Variants in DACH1 observed in about 807,000 individuals in gnomAD.
DACH1 encodes the protein dachshund homolog 1.
Under a neutral mutation model 54.2 loss-of-function variants are expected in DACH1, and 12 were observed. The ratio of observed to expected loss-of-function variants is 0.22; its 90% confidence interval spans 0.14 to 0.36. The LOEUF is 0.36. Ranked by LOEUF, DACH1 falls within the 10% of genes least tolerant of loss-of-function variation. The probability of loss-of-function intolerance (pLI) is 1.00; values close to 1 mark genes in which losing one functional copy is unlikely to be tolerated. For missense variants in DACH1, 805 were observed against 929.8 expected (o/e 0.87, Z 1.75); for synonymous variants, 386 against 366.2 (o/e 1.05, Z -0.62).
intron 6 of DACH1, among the ~76,000 whole-genome samples, chr13:71,491,719 A>C (rs187328453): frequency 3.3e-4 from 51 of 152,292 alleles, no homozygotes; most frequent in Non-Finnish European, 4.3e-4. Context: ...TCATGACCCT[A>C]TTATCAGACA....
chr13:71,851,293 T>G (rs1873642850), intron 1 of DACH1, among the ~76,000 whole-genome samples: 1 of 152,218 alleles, frequency 6.6e-6, no homozygotes, highest in East Asian at 1.9e-4. Flanking sequence ...TAATTACCTA[T>G]TTACTGCTAC....
At chr13:71,776,805 T>TGGGAGGCCAAGGCAAGAGA (rs1483817331) in intron 1 of DACH1, among the ~76,000 whole-genome samples, 2 of 152,178 alleles carry the variant, frequency 1.3e-5, no homozygotes, top group Non-Finnish European at 2.9e-5. Flanking sequence ...CTGTTGCTTT[T>TGGGAGGCCAAGGCAAGAGA]ACTTTGTCAC....
At chr13:71,460,253 A>G (rs1481392810) in intron 10 of DACH1, among the ~76,000 whole-genome samples, 1 of 152,116 alleles carries the variant, frequency 6.6e-6, no homozygotes, top group East Asian at 1.9e-4. Context: ...GTATATAAAC[A>G]TTCTAGAAAA....
At chr13:71,798,278 G>A (rs1244797033) in intron 1 of DACH1, among the ~76,000 whole-genome samples, 1 of 135,774 alleles carries the variant, frequency 7.4e-6, no homozygotes, top group Admixed American at 7.8e-5. Flanking sequence ...CCGGCATCAA[G>A]CAAATGAACT....
At chr13:71,648,124 T>G (rs192302443) in intron 2 of DACH1, among the ~76,000 whole-genome samples, 1 of 152,212 alleles carries the variant, frequency 6.6e-6, no homozygotes, top group Non-Finnish European at 1.5e-5. Context: ...TAAGATGATA[T>G]GTCTACAGAA....
chr13:71,767,558 CATA>C (rs1187329981), intron 1 of DACH1, among the ~76,000 whole-genome samples: 1 of 151,546 alleles, frequency 6.6e-6, no homozygotes, highest in African/African-American at 2.4e-5. Flanking sequence ...AGTTGTAAAC[CATA>C]ATGTTATAGT....
intron 2 of DACH1, among the ~76,000 whole-genome samples, chr13:71,656,524 C>G (rs1272492685): frequency 6.6e-6 from 1 of 151,852 alleles, no homozygotes; most frequent in African/African-American, 2.4e-5. Context: ...TTTATCTTAC[C>G]CAAAATTGGA....
chr13:71,716,794 TGAA>T, intron 1 of DACH1, among the ~76,000 whole-genome samples: 2 of 152,182 alleles, frequency 1.3e-5, no homozygotes, highest in Non-Finnish European at 2.9e-5. Flanking sequence ...ATGAATCAGC[TGAA>T]GAAGAAACAA....
At chr13:71,758,779 G>A (rs955561850) in intron 1 of DACH1, among the ~76,000 whole-genome samples, 3 of 152,098 alleles carry the variant, frequency 2.0e-5, no homozygotes, top group African/African-American at 7.2e-5. Context: ...ATGACTGAGT[G>A]GCATATAATT....
chr13:71,808,256 A>T (rs975036428), intron 1 of DACH1, among the ~76,000 whole-genome samples: 2 of 152,136 alleles, frequency 1.3e-5, no homozygotes, highest in Non-Finnish European at 2.9e-5. Context: ...ATGCCTCTTT[A>T]CTGTGCTTCT....
chr13:71,584,246 G>A (rs967451532), intron 3 of DACH1, among the ~76,000 whole-genome samples: 3 of 152,040 alleles, frequency 2.0e-5, no homozygotes, highest in Non-Finnish European at 2.9e-5. Flanking sequence ...TTTTCAAAAC[G>A]AATTAAATAC....
chr13:71,548,846 G>A (rs1470344645), intron 6 of DACH1, among the ~76,000 whole-genome samples: 1 of 152,112 alleles, frequency 6.6e-6, no homozygotes, highest in Non-Finnish European at 1.5e-5. Context: ...AACCCAGGAG[G>A]TGGAGGTTGA....
intron 2 of DACH1, among the ~76,000 whole-genome samples, chr13:71,637,256 T>C (rs1026295383): frequency 6.6e-6 from 1 of 151,972 alleles, no homozygotes; most frequent in Non-Finnish European, 1.5e-5. Context: ...ACCTCACAGG[T>C]GTGTTGTGAA....
intron 1 of DACH1, among the ~76,000 whole-genome samples, chr13:71,795,101 CA>C (rs1222175465): frequency 6.6e-6 from 1 of 152,040 alleles, no homozygotes; most frequent in African/African-American, 2.4e-5. Context: ...TCACTATTTT[CA>C]GCAAAGTCTA....
At chr13:71,837,261 TA>T (rs1652115280) in intron 1 of DACH1, among the ~76,000 whole-genome samples, 1 of 152,150 alleles carries the variant, frequency 6.6e-6, no homozygotes, top group Non-Finnish European at 1.5e-5. Flanking sequence ...TAAAAGCATT[TA>T]TTTCCTTGAA....
intron 8 of DACH1, among the ~76,000 whole-genome samples, chr13:71,477,025 C>T (rs1877582150): frequency 1.4e-5 from 2 of 141,176 alleles, no homozygotes; most frequent in Non-Finnish European, 3.0e-5. Flanking sequence ...AAAATAATAA[C>T]GACTCAAGTA....
intron 7 of DACH1, among the ~76,000 whole-genome samples, chr13:71,481,939 T>C (rs1425624338): frequency 1.3e-5 from 2 of 152,180 alleles, no homozygotes; most frequent in African/African-American, 2.4e-5. Flanking sequence ...CACTTGGACA[T>C]GCAATATCCA....
intron 1 of DACH1, among the ~76,000 whole-genome samples, chr13:71,735,213 T>C (rs114664354): frequency 0.32 from 27,166 of 83,978 alleles, 7,906 homozygotes; most frequent in Middle Eastern, 0.4. Context: ...TACACGTATA[T>C]GGGATATACA....
chr13:71,834,184 C>A (rs1888692073), intron 1 of DACH1, among the ~76,000 whole-genome samples: 1 of 151,980 alleles, frequency 6.6e-6, no homozygotes, highest in African/African-American at 2.4e-5. Context: ...GCAGTCAGTG[C>A]ACTTCTCAGT....
Sources: gnomAD v4.1 joint callset for allele counts (sites outside exome capture counted in the v4.1 genomes callset) on GRCh38, gnomAD v4.1.1 for gene constraint, MANE v1.5 for transcripts, NCBI Gene and HGNC (gene_info 2026-07-23, HGNC 2026-07-21) for gene names.